ANKS1B: variants seen among roughly 807,000 people sequenced by gnomAD.
ANKS1B encodes ankyrin repeat and sterile alpha motif domain containing 1B, also known as ankyrin repeat and sterile alpha motif domain-containing protein 1B.
In ANKS1B, 36 loss-of-function variants were observed where a neutral mutation model predicts 148.3. That is an observed-to-expected ratio of 0.24 (90% CI 0.19 to 0.32). The LOEUF is 0.32. ANKS1B is among the 10% of genes least tolerant of loss of function. The pLI, the probability that ANKS1B is intolerant of heterozygous loss-of-function variation, is 1.00. For missense variants in ANKS1B, 1,157 were observed against 1,542.6 expected (o/e 0.75, Z 4.19); for synonymous variants, 542 against 560.8 (o/e 0.97, Z 0.47).
chr12:99,655,228 T>A lies in ANKS1B; in HGVS notation c.1129-18A>T. 1 of 1,557,824 alleles carries A rather than the reference T, an allele frequency of 6.4e-7. No individual in the cohort carries two copies. The highest frequency in any genetic ancestry group is 1.2e-5 in the South Asian group (1 of 86,474). ...GAGGTTCTCTGAAATTAAATTTATATCATACCAATATATTATATCAATGAT... is the reference window on the plus strand; with the variant it reads ...GAGGTTCTCTGAAATTAAATTTATAACATACCAATATATTATATCAATGAT... On this transcript the variant is annotated intron_variant, in intron 8 of 26. Transcript: ENST00000683438.
chr12:99,706,690 T>C (rs991220262), intron 8 of ANKS1B: 2 of 152,116 alleles, frequency 1.3e-5, no homozygotes, highest in South Asian at 2.1e-4. Context: ...TCACATAAGA[T>C]TGTGACTTCC....
chr12:99,928,078 T>A (rs182594347), intron 1 of ANKS1B, among the ~76,000 whole-genome samples: 3 of 151,970 alleles, frequency 2.0e-5, no homozygotes, highest in African/African-American at 7.2e-5. Flanking sequence ...AACACTTAAT[T>A]ATGAAGTAGT....
intron 9 of ANKS1B, among the ~76,000 whole-genome samples, chr12:99,546,985 G>A (rs972999989): frequency 6.6e-6 from 1 of 152,086 alleles, no homozygotes; most frequent in Admixed American, 6.6e-5. Flanking sequence ...AAGAGGATGA[G>A]TGTCTGGATT....
intron 14 of ANKS1B, among the ~76,000 whole-genome samples, chr12:99,164,415 T>G (rs531702106): frequency 1.3e-5 from 2 of 152,244 alleles, no homozygotes; most frequent in East Asian, 3.9e-4. Flanking sequence ...ATTTACATTG[T>G]TGTTTCCTCA....
rs575267525 is a variant in ANKS1B at position 99,582,323 on chromosome 12, T to A, written c.1272+72744A>T. On this transcript the variant is annotated intron_variant, in intron 9 of 26. Coordinates refer to ENST00000683438, the MANE Select transcript of ANKS1B (RefSeq NM_001352186.2). ...TAAACATATATTTACCATAAGACTA[T>A]GTAATCCCACATCTAGGTATTTTTT... 6.6e-5 allele frequency among the ~76,000 whole-genome samples: 10 copies of A among 152,010 alleles called. No individual in the cohort carries two copies. In the South Asian group the frequency reaches 8.3e-4, roughly 13 times the overall value.
chr12:99,351,624 T>C (rs141319535), intron 12 of ANKS1B, among the ~76,000 whole-genome samples: 233 of 152,204 alleles, frequency 1.5e-3, no homozygotes, highest in African/African-American at 5.1e-3. Context: ...CCAGTTTTCC[T>C]TGTTGTCATG....
intron 12 of ANKS1B, among the ~76,000 whole-genome samples, chr12:99,307,053 G>T (rs1177944246): frequency 6.6e-6 from 1 of 151,968 alleles, no homozygotes; most frequent in Non-Finnish European, 1.5e-5. Flanking sequence ...TCTAACTTTT[G>T]CACTTAAGGT....
rs541016909 is a variant in ANKS1B, at chr12:98,995,329, G to A, written c.2778+57828C>T. On this transcript the variant is annotated intron_variant, in intron 17 of 26. Coordinates refer to ENST00000683438, the MANE Select transcript of ANKS1B (RefSeq NM_001352186.2). ...AAGCTGGCCAGGCATGGTGGTTCAC[G>A]CCTGTAATCCCAGCACTTTGGGAGG... 7.2e-5 allele frequency among the ~76,000 whole-genome samples: 11 copies of A among 152,192 alleles called. No homozygotes were observed. In the East Asian group the frequency reaches 1.2e-3, roughly 16 times the overall value.
intron 11 of ANKS1B, among the ~76,000 whole-genome samples, chr12:99,403,304 G>A (rs1326839310): frequency 1.4e-5 from 2 of 141,810 alleles, no homozygotes; most frequent in African/African-American, 5.4e-5. Flanking sequence ...TTACAGGCAA[G>A]CATTACCATG....
chr12:98,939,268 T>A (rs190500273), intron 17 of ANKS1B, among the ~76,000 whole-genome samples: 203 of 152,364 alleles, frequency 1.3e-3, no homozygotes, highest in Non-Finnish European at 2.9e-5. Flanking sequence ...TAAGCATTGT[T>A]AATTTGCATC....
chr12:98,945,356 G>A (rs1056334999), intron 17 of ANKS1B, among the ~76,000 whole-genome samples: 6 of 151,832 alleles, frequency 4.0e-5, no homozygotes, highest in Admixed American at 2.6e-4. Context: ...TTAGGCGGGC[G>A]TAGTGGTGTG....
At position 98,798,375 on chromosome 12, in the gene ANKS1B, C is replaced by A. The variant is rs1040333411; in HGVS notation, c.3342+559G>T. Among the ~76,000 whole-genome samples, 4 of 152,170 alleles carry A rather than the reference C, an allele frequency of 2.6e-5. No homozygotes were observed. In the South Asian group the frequency reaches 6.2e-4, roughly 24 times the overall value. ...ACCTCAGGTGATCCACCCACCTTGA[C>A]CTCCCAAAGTGCTGGGATTACAGAC... On this transcript the variant is annotated intron_variant, in intron 22 of 26. Transcript: ENST00000683438.
chr12:99,224,505 C>T (rs1271004925), intron 14 of ANKS1B, among the ~76,000 whole-genome samples: 1 of 152,046 alleles, frequency 6.6e-6, no homozygotes, highest in Non-Finnish European at 1.5e-5. Flanking sequence ...GCACCTCCCC[C>T]TTCTCTCTCT....
At chr12:98,753,565 T>C (rs7974351) in intron 25 of ANKS1B, among the ~76,000 whole-genome samples, 19,587 of 152,162 alleles carry the variant, frequency 0.13, 1,349 homozygotes, top group Non-Finnish European at 0.15. Flanking sequence ...GTAGCTGAGA[T>C]TACAGGCATG....
intron 9 of ANKS1B, among the ~76,000 whole-genome samples, chr12:99,623,899 A>C (rs2098083952): frequency 6.6e-6 from 1 of 152,148 alleles, no homozygotes; most frequent in African/African-American, 2.4e-5. Context: ...AACTAGAAAA[A>C]AACTACTCTA....
At chr12:99,069,147 C>T (rs2045494531) in intron 16 of ANKS1B, among the ~76,000 whole-genome samples, 1 of 152,148 alleles carries the variant, frequency 6.6e-6, no homozygotes, top group African/African-American at 2.4e-5. Context: ...AATGTCTGTG[C>T]ATGGCCGTGT....
At chr12:99,515,805 C>G (rs1020084314) in intron 9 of ANKS1B, among the ~76,000 whole-genome samples, 2 of 152,110 alleles carry the variant, frequency 1.3e-5, no homozygotes, top group East Asian at 3.9e-4. Context: ...TCCCTTTTCT[C>G]CACATCCTCA....
chr12:99,124,931 T>A (rs73140948), intron 15 of ANKS1B, among the ~76,000 whole-genome samples: 2,566 of 151,568 alleles, frequency 0.017, 33 homozygotes, highest in Non-Finnish European at 0.028. Context: ...TGTAGTTAGA[T>A]CACTTTTAGT....
intron 19 of ANKS1B, among the ~76,000 whole-genome samples, chr12:98,812,866 A>C (rs1336984412): frequency 2.6e-5 from 4 of 152,136 alleles, no homozygotes; most frequent in Non-Finnish European, 5.9e-5. Context: ...TATTTTTTTA[A>C]AAAATCGGAT....
Sources: gnomAD v4.1 joint callset for allele counts (sites outside exome capture counted in the v4.1 genomes callset) on GRCh38, gnomAD v4.1.1 for gene constraint, MANE v1.5 for transcripts, NCBI Gene and HGNC (gene_info 2026-07-23, HGNC 2026-07-21) for gene names.